CAP2: variants seen among roughly 807,000 people sequenced by gnomAD.
The protein encoded by CAP2 is adenylyl cyclase-associated protein 2.
In CAP2, 24 loss-of-function variants were observed where a neutral mutation model predicts 57.7. That is an observed-to-expected ratio of 0.42 (90% confidence interval 0.30 to 0.58). The LOEUF (loss-of-function observed/expected upper bound fraction) is 0.58, where lower values mean the gene tolerates loss of function less well. CAP2 is among the 20% of genes least tolerant of loss of function. The pLI is 0.22. For synonymous variants in CAP2, 194 were observed against 207.2 expected, an observed-to-expected ratio of 0.94 and a Z score of 0.55; for missense variants, 501 against 590.3, an observed-to-expected ratio of 0.85 and a Z score of 1.57.
chr6:17,457,499 T>G (rs188159957), intron 3 of CAP2, among the ~76,000 whole-genome samples: 26 of 152,358 alleles, frequency 1.7e-4, no homozygotes, highest in Admixed American at 1.7e-3. Context: ...ATGAAAGTCC[T>G]TTGACATGTC....
intron 1 of CAP2, among the ~76,000 whole-genome samples, chr6:17,420,643 A>G (rs1759414628): frequency 6.6e-6 from 1 of 152,218 alleles, no homozygotes; most frequent in African/African-American, 2.4e-5. Context: ...GCAGAAGAAG[A>G]GCTGGCAATA....
intron 4 of CAP2, among the ~76,000 whole-genome samples, chr6:17,495,726 T>C (rs1031466523): frequency 1.2e-4 from 19 of 152,108 alleles, no homozygotes; most frequent in Admixed American, 1.1e-3. Context: ...CGTGAGTGTG[T>C]GCTGCAAAAG....
chr6:17,461,992 C>CAAAAAAAAAACAAAAA (rs1760739729), intron 3 of CAP2, among the ~76,000 whole-genome samples: 1 of 27,844 alleles, frequency 3.6e-5, no homozygotes, highest in African/African-American at 5.8e-5. Context: ...GACTCCGTCT[C>CAAAAAAAAAACAAAAA]AAAAAAAAAA....
At chr6:17,478,297 CT>C (rs58472723) in intron 4 of CAP2, among the ~76,000 whole-genome samples, 1,371 of 120,388 alleles carry the variant, frequency 0.011, 9 homozygotes, top group East Asian at 0.029. Flanking sequence ...ACTACACCTA[CT>C]TTTTTTTTTT....
intron 3 of CAP2, among the ~76,000 whole-genome samples, chr6:17,433,001 A>C (rs955307962): frequency 8.2e-6 from 1 of 122,376 alleles, no homozygotes; most frequent in Non-Finnish European, 1.6e-5. Context: ...CCGTCCATCT[A>C]TCTGTCTTTC....
chr6:17,502,027 G>A (rs776421201), intron 4 of CAP2, among the ~76,000 whole-genome samples: 2 of 152,128 alleles, frequency 1.3e-5, no homozygotes, highest in South Asian at 2.1e-4. Flanking sequence ...TCAGTGAGAC[G>A]TTAACAAAAA....
chr6:17,482,019 G>A (rs182435806), intron 4 of CAP2, among the ~76,000 whole-genome samples: 5 of 152,214 alleles, frequency 3.3e-5, no homozygotes, highest in African/African-American at 1.2e-4. Context: ...CATGATGTTC[G>A]TGCCAAAATT....
intron 4 of CAP2, among the ~76,000 whole-genome samples, chr6:17,493,876 G>A (rs780115684): frequency 5.9e-5 from 9 of 151,840 alleles, no homozygotes; most frequent in Non-Finnish European, 7.4e-5. Context: ...GAAACAGTAC[G>A]TCTAAATCGG....
intron 3 of CAP2, among the ~76,000 whole-genome samples, chr6:17,460,391 A>G (rs1043649192): frequency 2.0e-5 from 3 of 152,252 alleles, no homozygotes; most frequent in African/African-American, 7.2e-5. Flanking sequence ...TTAGGTTTGC[A>G]TAAATGCAGA....
chr6:17,394,108 C>T (rs1758611365), intron 1 of CAP2, among the ~76,000 whole-genome samples: 1 of 149,342 alleles, frequency 6.7e-6, no homozygotes, highest in African/African-American at 2.5e-5. Context: ...CGCCGCCGCC[C>T]GCCCGGCCGC....
intron 5 of CAP2, 43 bp downstream of exon 5, chr6:17,507,355 T>G: frequency 1.9e-6 from 3 of 1,603,826 alleles, no homozygotes; most frequent in South Asian, 1.1e-5. Flanking sequence ...CATCACACGT[T>G]TGGAGTATTT....
intron 4 of CAP2, among the ~76,000 whole-genome samples, chr6:17,480,388 G>T (rs1761258610): frequency 6.6e-6 from 1 of 152,172 alleles, no homozygotes; most frequent in Admixed American, 6.5e-5. Flanking sequence ...CAGGTGTAGT[G>T]TATTCCATAA....
intron 7 of CAP2, among the ~76,000 whole-genome samples, chr6:17,519,603 C>T (rs573933327): frequency 1.3e-5 from 2 of 152,254 alleles, no homozygotes; most frequent in African/African-American, 2.4e-5. Context: ...AAATGCACTT[C>T]GTTGAACAAA....
At chr6:17,469,344 T>A (rs1032396610) in intron 4 of CAP2, among the ~76,000 whole-genome samples, 2 of 152,180 alleles carry the variant, frequency 1.3e-5, no homozygotes, top group African/African-American at 4.8e-5. Flanking sequence ...TTCCCTATTT[T>A]CTCCAGCATT....
At chr6:17,440,553 T>C (rs1274953778) in intron 3 of CAP2, among the ~76,000 whole-genome samples, 1 of 151,328 alleles carries the variant, frequency 6.6e-6, no homozygotes, top group Non-Finnish European at 1.5e-5. Context: ...GCTTATCTTT[T>C]AGCAGGAATG....
intron 4 of CAP2, among the ~76,000 whole-genome samples, chr6:17,502,706 G>A (rs971366051): frequency 2.6e-5 from 4 of 152,118 alleles, no homozygotes; most frequent in African/African-American, 4.8e-5. Context: ...TCTCTCTAAT[G>A]TTATAAATAT....
At chr6:17,438,941 T>A (rs1174454450) in intron 3 of CAP2, among the ~76,000 whole-genome samples, 1 of 149,982 alleles carries the variant, frequency 6.7e-6, no homozygotes, top group Non-Finnish European at 1.5e-5. Flanking sequence ...TGAAACCCCG[T>A]CTCTACTAAA....
At chr6:17,460,320 G>A (rs6912205) in intron 3 of CAP2, among the ~76,000 whole-genome samples, 20,522 of 152,032 alleles carry the variant, frequency 0.13, 4,482 homozygotes, top group African/African-American at 0.46. Flanking sequence ...AATAATGAAT[G>A]CCTGGCCAGT....
intron 4 of CAP2, among the ~76,000 whole-genome samples, chr6:17,481,600 G>C (rs1486191139): frequency 6.6e-6 from 1 of 152,104 alleles, no homozygotes; most frequent in Non-Finnish European, 1.5e-5. Context: ...ATAACATTCT[G>C]ATTCATTTGT....
Sources: gnomAD v4.1 joint callset for allele counts (sites outside exome capture counted in the v4.1 genomes callset) on GRCh38, gnomAD v4.1.1 for gene constraint, MANE v1.5 for transcripts, NCBI Gene and HGNC (gene_info 2026-07-23, HGNC 2026-07-21) for gene names.